LRP1B: variants seen among roughly 807,000 people sequenced by gnomAD.
LRP1B encodes the protein low-density lipoprotein receptor-related protein 1B.
In LRP1B, 217 loss-of-function variants were observed where a neutral mutation model predicts 556.6. That is an observed-to-expected ratio of 0.39 (90% CI 0.35 to 0.44). LRP1B has a LOEUF of 0.44. Among genes scored for constraint, LRP1B ranks in the 20% least tolerant of loss-of-function variants. The probability of loss-of-function intolerance (pLI) is 1.00; values close to 1 mark genes in which losing one functional copy is unlikely to be tolerated. For synonymous variants in LRP1B, 2,047 were observed against 1,865.8 expected (o/e 1.10, Z -2.50); for missense variants, 5,053 against 5,620.8 (o/e 0.90, Z 3.23).
At chr2:140,473,532 T>C (rs2105345605) in intron 60 of LRP1B, among the ~76,000 whole-genome samples, 1 of 152,048 alleles carries the variant, frequency 6.6e-6, no homozygotes, top group Middle Eastern at 3.4e-3. Context: ...AAAGCATTAG[T>C]CACCATATAA....
chr2:141,074,937 T>C (rs13425735), intron 7 of LRP1B, among the ~76,000 whole-genome samples: 2,099 of 152,236 alleles, frequency 0.014, 42 homozygotes, highest in African/African-American at 0.047. Context: ...CAGGGTTAGA[T>C]TTGAGTATTC....
intron 35 of LRP1B, among the ~76,000 whole-genome samples, chr2:140,722,911 C>T (rs970604271): frequency 1.1e-4 from 17 of 152,096 alleles, no homozygotes; most frequent in South Asian, 6.2e-4. Flanking sequence ...GGCATGTTGG[C>T]GGGCGCCTGT....
chr2:140,894,881 T>G (rs1039400639), intron 23 of LRP1B, among the ~76,000 whole-genome samples: 1 of 151,424 alleles, frequency 6.6e-6, no homozygotes. Context: ...AGGCAGAGGT[T>G]GTAGTGAGAC....
At position 140,431,872 on chromosome 2, in the gene LRP1B, C is replaced by G. The variant is rs375059077; in HGVS notation, c.10414+10632G>C. On this transcript the variant is annotated intron_variant, in intron 66 of 90. Transcript: ENST00000389484. ...TTCCCACACCGCCCCTAATCCCTCT[C>G]GAAGCAGCCCTGAGAAACATCTCCC... 1.1e-4 allele frequency among the ~76,000 whole-genome samples: 16 copies of G among 152,236 alleles called. No individual in the cohort carries two copies. In the East Asian group the frequency reaches 1.5e-3, roughly 15 times the overall value.
rs546554439 is a variant in LRP1B, at chr2:140,840,328, C to G, written c.5115-243G>C. On this transcript the variant is annotated intron_variant, in intron 30 of 90. Coordinates refer to ENST00000389484, the MANE Select transcript of LRP1B (RefSeq NM_018557.3). ...AAAAATATCTCACTTCCTTTTTCCT[C>G]CTACATACAAGACTGAATATTTAGC... Among the ~76,000 whole-genome samples the G allele has an allele frequency of 5.9e-5, 9 of 152,220 alleles. No individual in the cohort carries two copies. The South Asian group carries it at 1.9e-3, about 32-fold the overall frequency.
intron 7 of LRP1B, among the ~76,000 whole-genome samples, chr2:141,154,479 C>T (rs1702017226): frequency 6.6e-6 from 1 of 151,800 alleles, no homozygotes. Flanking sequence ...GATGTCACAG[C>T]TTCAAATTTT....
intron 41 of LRP1B, among the ~76,000 whole-genome samples, chr2:140,628,528 C>G (rs1177356299): frequency 8.5e-6 from 1 of 118,192 alleles, no homozygotes; most frequent in Non-Finnish European, 1.7e-5. Context: ...AAGAATGAGA[C>G]TCTGTCTCGA....
rs552913219 is a variant in LRP1B, at chr2:140,846,867, G to A, written c.4939+3235C>T. Among the ~76,000 whole-genome samples, 4 of 152,282 alleles carry A rather than the reference G, an allele frequency of 2.6e-5. No homozygotes were observed. In the South Asian group the frequency reaches 8.3e-4, roughly 32 times the overall value. ...AATTTGAGATCCTTTGATGAGTTCA[G>A]ATGCTAAACTGTCAAAAGTTTATCT... is the stretch of plus-strand genomic sequence containing the variant. On this transcript the variant is annotated intron_variant, in intron 29 of 90. Coordinates refer to ENST00000389484, the MANE Select transcript of LRP1B (RefSeq NM_018557.3).
intron 1 of LRP1B, among the ~76,000 whole-genome samples, chr2:141,818,470 C>T (rs1241681912): frequency 6.7e-6 from 1 of 150,328 alleles, no homozygotes; most frequent in African/African-American, 2.4e-5. Flanking sequence ...ACCAATTCAA[C>T]ATGCACTTTT....
intron 5 of LRP1B, among the ~76,000 whole-genome samples, chr2:141,237,638 C>T (rs1683696179): frequency 1.3e-5 from 2 of 152,062 alleles, no homozygotes; most frequent in South Asian, 4.1e-4. Flanking sequence ...AATACCGGTA[C>T]CTTCATTCAC....
chr2:141,790,205 T>C (rs1695566772), intron 2 of LRP1B, among the ~76,000 whole-genome samples: 1 of 151,890 alleles, frequency 6.6e-6, no homozygotes, highest in Non-Finnish European at 1.5e-5. Context: ...TCATGAAAAA[T>C]TACCAGTCTT....
intron 3 of LRP1B, among the ~76,000 whole-genome samples, chr2:141,278,571 G>A (rs1685392303): frequency 6.6e-6 from 1 of 152,168 alleles, no homozygotes; most frequent in South Asian, 2.1e-4. Context: ...CTCTTAGGAA[G>A]AAAGATTAGT....
chr2:141,633,700 A>G (rs1218348919), intron 2 of LRP1B, among the ~76,000 whole-genome samples: 1 of 152,054 alleles, frequency 6.6e-6, no homozygotes, highest in East Asian at 1.9e-4. Context: ...TATCACCAAC[A>G]TCCATTTCCA....
At chr2:140,755,077 A>T (rs926260438) in intron 35 of LRP1B, among the ~76,000 whole-genome samples, 4 of 152,090 alleles carry the variant, frequency 2.6e-5, no homozygotes, top group Non-Finnish European at 5.9e-5. Context: ...TAACTTAGAT[A>T]AAATGTACAA....
At chr2:141,942,350 A>G (rs2105016594) in intron 1 of LRP1B, among the ~76,000 whole-genome samples, 1 of 151,690 alleles carries the variant, frequency 6.6e-6, no homozygotes, top group South Asian at 2.1e-4. Context: ...TTTGAAGCCA[A>G]CCTTTTTATT....
intron 43 of LRP1B, among the ~76,000 whole-genome samples, chr2:140,570,328 A>C (rs941122922): frequency 6.6e-6 from 1 of 151,648 alleles, no homozygotes; most frequent in South Asian, 2.1e-4. Context: ...CAAAAATCAT[A>C]ATCAAAAAGG....
chr2:141,339,778 T>C (rs1243499982), intron 3 of LRP1B, among the ~76,000 whole-genome samples: 1 of 151,824 alleles, frequency 6.6e-6, no homozygotes, highest in African/African-American at 2.4e-5. Context: ...TTTATTTATT[T>C]ATTTATTTAT....
chr2:140,473,161 C>A (rs1687838015), intron 60 of LRP1B, among the ~76,000 whole-genome samples: 1 of 152,074 alleles, frequency 6.6e-6, no homozygotes, highest in East Asian at 1.9e-4. Context: ...ATAATTCAGG[C>A]TGGCTCCAAT....
At chr2:141,125,423 T>C (rs1292637058) in intron 7 of LRP1B, among the ~76,000 whole-genome samples, 1 of 152,092 alleles carries the variant, frequency 6.6e-6, no homozygotes, top group Non-Finnish European at 1.5e-5. Flanking sequence ...GTTGGAAAAA[T>C]TTTGAGACAG....
Sources: allele counts gnomAD v4.1 joint callset (sites outside exome capture counted in the v4.1 genomes callset), GRCh38; gene constraint gnomAD v4.1.1; transcripts MANE v1.5; gene names NCBI Gene and HGNC (gene_info 2026-07-23, HGNC 2026-07-21).